RANBP17: variants seen among roughly 807,000 people sequenced by gnomAD.
RANBP17 encodes the protein ran-binding protein 17.
Under a neutral mutation model 141.2 loss-of-function variants are expected in RANBP17, and 158 were observed. The ratio of observed to expected loss-of-function variants is 1.12; its 90% CI spans 0.98 to 1.28. The LOEUF (loss-of-function observed/expected upper bound fraction) is 1.28. RANBP17 is among the 50% of genes most tolerant of loss of function. The pLI is 0.00. For synonymous variants in RANBP17, 430 were observed against 450.0 expected (o/e 0.96, Z 0.56); for missense variants, 1,438 against 1,290.7 (o/e 1.11, Z -1.75).
chr5:170,912,504 C>A (rs1771607719), intron 7 of RANBP17, among the ~76,000 whole-genome samples: 1 of 151,790 alleles, frequency 6.6e-6, no homozygotes. Context: ...AAATAAACTT[C>A]AGAAAGATAT....
chr5:170,878,052 C>T (rs1195369276), intron 1 of RANBP17, 45 bp from the exon 2 acceptor site: 1 of 1,405,132 alleles, frequency 7.1e-7, no homozygotes, highest in East Asian at 2.4e-5. Context: ...ATATTTACCT[C>T]ATTTTTTTCA....
intron 25 of RANBP17, among the ~76,000 whole-genome samples, chr5:171,281,123 T>C (rs1767835064): frequency 2.0e-5 from 3 of 152,174 alleles, no homozygotes; most frequent in African/African-American, 7.2e-5. Context: ...CTCACTGTCT[T>C]AGATTCTCTC....
chr5:171,289,288 A>G (rs1353142098), intron 25 of RANBP17, among the ~76,000 whole-genome samples: 9 of 151,948 alleles, frequency 5.9e-5, no homozygotes, highest in Admixed American at 5.2e-4. Context: ...TATTTCTCCA[A>G]CCATCCTGCT....
chr5:170,915,340 A>G (rs148122231), intron 8 of RANBP17, among the ~76,000 whole-genome samples: 1 of 152,116 alleles, frequency 6.6e-6, no homozygotes, highest in African/African-American at 2.4e-5. Flanking sequence ...AATCCCTACT[A>G]TGTAGACCCA....
chr5:171,294,056 G>A (rs2128045517), intron 26 of RANBP17, 75 bp downstream of exon 26: 1 of 1,085,542 alleles, frequency 9.2e-7, no homozygotes, highest in South Asian at 1.2e-5. Flanking sequence ...GGTGAGCTGT[G>A]ATGACGAAGG....
At chr5:171,275,765 G>T (rs920318899) in intron 25 of RANBP17, among the ~76,000 whole-genome samples, 1 of 152,128 alleles carries the variant, frequency 6.6e-6, no homozygotes, top group Admixed American at 6.5e-5. Context: ...CAAGTTCGAG[G>T]GAGCAGAGGG....
chr5:171,261,813 T>C (rs1184617861), intron 24 of RANBP17, among the ~76,000 whole-genome samples: 2 of 152,228 alleles, frequency 1.3e-5, no homozygotes, highest in Non-Finnish European at 2.9e-5. Context: ...TATCATGATT[T>C]GAATCTCACA....
intron 14 of RANBP17, among the ~76,000 whole-genome samples, chr5:171,062,760 A>T (rs1273915677): frequency 6.6e-6 from 1 of 152,156 alleles, no homozygotes; most frequent in Non-Finnish European, 1.5e-5. Flanking sequence ...AGTGTTTTCC[A>T]ACTTGTTTCC....
intron 1 of RANBP17, among the ~76,000 whole-genome samples, chr5:170,870,064 T>C (rs1300180307): frequency 6.6e-6 from 1 of 152,154 alleles, no homozygotes; most frequent in African/African-American, 2.4e-5. Context: ...GATGAATGCA[T>C]GCCAGCAGGA....
At chr5:171,222,635 T>C (rs934554226) in intron 22 of RANBP17, among the ~76,000 whole-genome samples, 1 of 149,924 alleles carries the variant, frequency 6.7e-6, no homozygotes, top group African/African-American at 2.4e-5. Flanking sequence ...CCTGTTATTC[T>C]TTTTTTTTTG....
intron 7 of RANBP17, among the ~76,000 whole-genome samples, chr5:170,912,646 G>A (rs1771622200): frequency 6.6e-6 from 1 of 151,834 alleles, no homozygotes; most frequent in African/African-American, 2.4e-5. Flanking sequence ...GTAAGACAAA[G>A]TTAACCCAAT....
At chr5:171,166,686 T>C (rs548444162) in intron 14 of RANBP17, among the ~76,000 whole-genome samples, 87 of 152,324 alleles carry the variant, frequency 5.7e-4, no homozygotes, top group Admixed American at 9.8e-4. Context: ...AAATTATCCA[T>C]GTTTAAAAGG....
intron 16 of RANBP17, among the ~76,000 whole-genome samples, chr5:171,178,329 T>C (rs1330834267): frequency 6.6e-6 from 1 of 152,166 alleles, no homozygotes; most frequent in Non-Finnish European, 1.5e-5. Flanking sequence ...GCTTCATCCA[T>C]GTCCCTGCAA....
At chr5:170,867,383 G>A (rs1395254477) in intron 1 of RANBP17, among the ~76,000 whole-genome samples, 3 of 151,806 alleles carry the variant, frequency 2.0e-5, no homozygotes, top group Non-Finnish European at 4.4e-5. Flanking sequence ...CTATTTTTCA[G>A]GATTGGTTTG....
chr5:171,268,830 A>G (rs188014987), intron 25 of RANBP17, among the ~76,000 whole-genome samples: 118 of 152,318 alleles, frequency 7.7e-4, no homozygotes, highest in African/African-American at 2.7e-3. Context: ...TTTTAGCACA[A>G]ATCAACAGGC....
At chr5:171,257,881 G>A (rs1413422445) in intron 24 of RANBP17, among the ~76,000 whole-genome samples, 2 of 151,936 alleles carry the variant, frequency 1.3e-5, no homozygotes, top group East Asian at 1.9e-4. Context: ...TGAGGTGGGC[G>A]GATCACCTGA....
At chr5:170,870,711 T>C (rs546471730) in intron 1 of RANBP17, among the ~76,000 whole-genome samples, 1 of 152,342 alleles carries the variant, frequency 6.6e-6, no homozygotes, top group African/African-American at 2.4e-5. Context: ...AATAGAATGA[T>C]TTATATTCCT....
chr5:171,202,992 G>A (rs998552043), intron 19 of RANBP17, among the ~76,000 whole-genome samples: 4 of 152,034 alleles, frequency 2.6e-5, no homozygotes, highest in African/African-American at 4.8e-5. Context: ...CAGCCCATTC[G>A]TCTCACACTT....
chr5:170,875,316 T>C (rs1015482779), intron 1 of RANBP17, among the ~76,000 whole-genome samples: 2 of 151,954 alleles, frequency 1.3e-5, no homozygotes, highest in African/African-American at 2.4e-5. Flanking sequence ...TTGGGGTTGA[T>C]CGTCTTACTG....
Sources: allele counts gnomAD v4.1 joint callset (sites outside exome capture counted in the v4.1 genomes callset), GRCh38; gene constraint gnomAD v4.1.1; transcripts MANE v1.5; gene names NCBI Gene and HGNC (gene_info 2026-07-23, HGNC 2026-07-21).